Variants in RNFT2 observed in about 807,000 individuals in gnomAD.
RNFT2 encodes E3 ubiquitin-protein ligase RNFT2.
A neutral mutation model predicts 53.0 loss-of-function variants in RNFT2; 36 were observed. The ratio of observed to expected loss-of-function variants is 0.68; its 90% confidence interval spans 0.52 to 0.90. The LOEUF (loss-of-function observed/expected upper bound fraction) is 0.90, where lower values mean the gene tolerates loss of function less well. Ranked by LOEUF, RNFT2 falls within the 40% of genes least tolerant of loss-of-function variation. The probability of loss-of-function intolerance (pLI) is 0.00; values close to 1 mark genes in which losing one functional copy is unlikely to be tolerated. For missense variants in RNFT2, 514 were observed against 585.6 expected, an observed-to-expected ratio of 0.88 and a Z score of 1.26; for synonymous variants, 260 against 253.2, an observed-to-expected ratio of 1.03 and a Z score of -0.26.
At chr12:116,778,521 G>A (rs1873540465) in intron 6 of RNFT2, among the ~76,000 whole-genome samples, 1 of 152,170 alleles carries the variant, frequency 6.6e-6, no homozygotes, top group Non-Finnish European at 1.5e-5. Flanking sequence ...CCATGCCCTT[G>A]AACTTTCCAG....
intron 7 of RNFT2, among the ~76,000 whole-genome samples, chr12:116,783,980 G>A (rs80314325): frequency 0.018 from 2,684 of 152,290 alleles, 102 homozygotes; most frequent in East Asian, 0.15. Context: ...ACAGGGTCCT[G>A]TTATTACCAC....
At chr12:116,750,908 A>ATTTTTTTTT (rs386377851) in intron 4 of RNFT2, among the ~76,000 whole-genome samples, 5 of 70,018 alleles carry the variant, frequency 7.1e-5, no homozygotes, top group African/African-American at 2.2e-4. Flanking sequence ...ATATATATAT[A>ATTTTTTTTT]TTTTTTTTTG....
chr12:116,826,660 T>C (rs1235672620), intron 7 of RNFT2, among the ~76,000 whole-genome samples: 1 of 152,214 alleles, frequency 6.6e-6, no homozygotes, highest in Non-Finnish European at 1.5e-5. Flanking sequence ...ATTTATTTGC[T>C]GTGACATCAG....
At chr12:116,828,723 A>G (rs1247019494) in intron 7 of RNFT2, among the ~76,000 whole-genome samples, 1 of 152,040 alleles carries the variant, frequency 6.6e-6, no homozygotes, top group Non-Finnish European at 1.5e-5. Context: ...GGCAGCATCA[A>G]TGGATAAAAG....
intron 7 of RNFT2, among the ~76,000 whole-genome samples, chr12:116,822,418 A>G (rs1017901670): frequency 5.3e-5 from 8 of 151,916 alleles, no homozygotes; most frequent in African/African-American, 1.9e-4. Flanking sequence ...CATCTTTCCT[A>G]CTAGATACTG....
At chr12:116,744,916 G>T (rs537017253) in intron 3 of RNFT2, among the ~76,000 whole-genome samples, 3 of 152,108 alleles carry the variant, frequency 2.0e-5, no homozygotes, top group South Asian at 2.1e-4. Context: ...AGAGAGAGTG[G>T]CCTCCTCATG....
At chr12:116,774,709 C>T (rs1873345871) in intron 6 of RNFT2, among the ~76,000 whole-genome samples, 1 of 147,338 alleles carries the variant, frequency 6.8e-6, no homozygotes, top group Non-Finnish European at 1.5e-5. Flanking sequence ...GGACTCAGTT[C>T]TGAGGCGTCA....
intron 7 of RNFT2, among the ~76,000 whole-genome samples, chr12:116,828,260 C>T (rs920126267): frequency 6.6e-6 from 1 of 152,166 alleles, no homozygotes; most frequent in South Asian, 2.1e-4. Flanking sequence ...GATGTGCACT[C>T]GGGTCACCTG....
chr12:116,759,816 C>T (rs539607595), intron 5 of RNFT2, among the ~76,000 whole-genome samples: 11 of 152,240 alleles, frequency 7.2e-5, no homozygotes, highest in African/African-American at 2.6e-4. Context: ...TGGTTTAATG[C>T]GCTATTTTTG....
chr12:116,821,572 A>C (rs10850723), intron 7 of RNFT2, among the ~76,000 whole-genome samples: 142,563 of 152,256 alleles, frequency 0.94, 66,814 homozygotes, highest in African/African-American at 0.97. Context: ...TGGCCCCCAT[A>C]CCCTGGGGCT....
Position 116,851,776 on chromosome 12 carries a change from G to A in RNFT2, c.*2328G>A, listed in dbSNP as rs867541984. 10 of 782,870 alleles carry A rather than the reference G, an allele frequency of 1.3e-5. No individual in the cohort carries two copies. The highest frequency in any genetic ancestry group is 1.9e-5 in the Non-Finnish European group (9 of 465,518). 48.5% of individuals were successfully genotyped at this position (782,870 alleles called of 1,614,324 possible). On this transcript the variant is annotated 3_prime_UTR_variant, in exon 11 of 11. Coordinates refer to ENST00000257575, the MANE Select transcript of RNFT2 (RefSeq NM_001382266.1). ...AAAAGAAAGAAAGAAGGGAGGGAGG[G>A]AGGAAGGAAGGAAGGAAGGAAAGAA...
intron 7 of RNFT2, among the ~76,000 whole-genome samples, chr12:116,790,864 G>A (rs1295047440): frequency 1.3e-5 from 2 of 152,158 alleles, no homozygotes; most frequent in Non-Finnish European, 2.9e-5. Flanking sequence ...GGCTGAAGTG[G>A]GAGGATCACT....
intron 9 of RNFT2, 24 bp from the exon 10 acceptor site, chr12:116,836,157 A>G: frequency 6.3e-7 from 1 of 1,592,670 alleles, no homozygotes; most frequent in Non-Finnish European, 8.6e-7. Context: ...CCATAGCTGT[A>G]TTTGCTTCTC....
rs1592973382 is a variant in RNFT2 at position 116,812,017 on chromosome 12, T to C, written c.883-21775T>C. On this transcript the variant is annotated intron_variant, in intron 7 of 10. Transcript: ENST00000257575. ...AACTCTGATGCCTCTTCTGTGTACA[T>C]GACTGATGATGTTACCTGGCTCCAG... Among the ~76,000 whole-genome samples, 2 of 152,280 alleles carry C rather than the reference T, an allele frequency of 1.3e-5. 1 individual carries two copies. Among genetic ancestry groups the C allele is most frequent in the East Asian group, 3.9e-4 (2 of 5,168 alleles).
At chr12:116,839,601 G>C (rs780270286) in intron 10 of RNFT2, among the ~76,000 whole-genome samples, 2 of 151,982 alleles carry the variant, frequency 1.3e-5, no homozygotes, top group Non-Finnish European at 2.9e-5. Flanking sequence ...TGGATGGACA[G>C]ATGGACGGAT....
chr12:116,766,951 G>A (rs780834417), intron 6 of RNFT2, 37 bp downstream of exon 6: 11 of 1,478,144 alleles, frequency 7.4e-6, no homozygotes, highest in African/African-American at 1.4e-5. Flanking sequence ...GTGGGAGAGT[G>A]GGGCACTTGG....
chr12:116,822,398 T>C (rs1307398746), intron 7 of RNFT2, among the ~76,000 whole-genome samples: 1 of 152,168 alleles, frequency 6.6e-6, no homozygotes, highest in African/African-American at 2.4e-5. Flanking sequence ...GGCTTGGGGC[T>C]GCCAGTGGCC....
At chr12:116,840,468 C>A (rs1383342379) in intron 10 of RNFT2, among the ~76,000 whole-genome samples, 1 of 152,176 alleles carries the variant, frequency 6.6e-6, no homozygotes, top group Non-Finnish European at 1.5e-5. Flanking sequence ...CCCAGGGCTG[C>A]ATTACAAGAT....
chr12:116,851,963 C>A lies in RNFT2; in HGVS notation c.*2515C>A. On this transcript the variant is annotated 3_prime_UTR_variant, in exon 11 of 11. Transcript: ENST00000257575. ...CTGGTAGCCTTCAGAGCAAACAGGA[C>A]AACCTATGTTATGGATGTTTCCACC... is the stretch of plus-strand genomic sequence containing the variant. The A allele has an allele frequency of 6.6e-7, 1 of 1,515,736 alleles. No homozygotes were observed. The highest frequency in any genetic ancestry group is 8.8e-7 in the Non-Finnish European group (1 of 1,138,942). The allele number at this position is 1,515,736 out of a possible 1,614,324, so 93.9% of individuals were successfully genotyped here. A position where few individuals can be genotyped will look rare whatever the true frequency, so the allele number is the denominator to read the frequency against.
Sources: allele counts gnomAD v4.1 joint callset (sites outside exome capture counted in the v4.1 genomes callset), GRCh38; gene constraint gnomAD v4.1.1; transcripts MANE v1.5; gene names NCBI Gene and HGNC (gene_info 2026-07-23, HGNC 2026-07-21).